REV1: variants seen among roughly 807,000 people sequenced by gnomAD.
The protein encoded by REV1 is translesion synthesis protein REV1.
In REV1, 42 loss-of-function variants were observed where a neutral mutation model predicts 137.4. The observed-to-expected ratio is 0.31, with a 90% CI of 0.24 to 0.40. The LOEUF (loss-of-function observed/expected upper bound fraction) is 0.40. REV1 is among the 10% of genes least tolerant of loss of function. REV1 has a pLI of 1.00. For synonymous variants in REV1, 524 were observed against 519.2 expected (o/e 1.01, Z -0.12); for missense variants, 1,282 against 1,490.1 (o/e 0.86, Z 2.30).
chr2:99,456,141 A>C (rs1421651345), intron 3 of REV1, among the ~76,000 whole-genome samples: 1 of 152,252 alleles, frequency 6.6e-6, no homozygotes, highest in Non-Finnish European at 1.5e-5. Flanking sequence ...AATGTGGCCC[A>C]TTCCTTAAGA....
Position 99,438,639 on chromosome 2 carries a change from A to AT in REV1, c.1174dup (p.Met392AsnfsTer12), listed in dbSNP as rs1450303554. ...AACAAGTGCAGACCTGCCTGTTTTC[A>AT]TTTTTTTTAACTTTTCCCTTCCTGG... On this transcript the variant is annotated frameshift_variant, in exon 6 of 23. Transcript: ENST00000258428. LOFTEE classifies it high-confidence loss of function. 4 of 1,613,054 alleles carry AT rather than the reference A, an allele frequency of 2.5e-6. No individual in the cohort carries two copies. Among genetic ancestry groups the AT allele is most frequent in the African/African-American group, 1.3e-5 (1 of 74,814 alleles).
intron 12 of REV1, among the ~76,000 whole-genome samples, chr2:99,418,345 T>C (rs890354850): frequency 6.6e-6 from 1 of 152,100 alleles, no homozygotes; most frequent in African/African-American, 2.4e-5. Flanking sequence ...ACACAATCCT[T>C]CTTTACGTTT....
chr2:99,481,878 T>C (rs1361975544), intron 1 of REV1, among the ~76,000 whole-genome samples: 1 of 152,100 alleles, frequency 6.6e-6, no homozygotes, highest in African/African-American at 2.4e-5. Context: ...ACAAAAAAAT[T>C]TGACTGGCCA....
intron 13 of REV1, among the ~76,000 whole-genome samples, chr2:99,411,699 G>A (rs191817329): frequency 2.0e-5 from 3 of 150,916 alleles, no homozygotes; most frequent in Admixed American, 6.6e-5. Context: ...GTGAGCCACC[G>A]CATAGGGCCC....
intron 12 of REV1, 137 bp from the exon 13 acceptor site, chr2:99,413,088 A>T: frequency 1.5e-6 from 1 of 665,926 alleles, no homozygotes; most frequent in Non-Finnish European, 2.5e-6. Flanking sequence ...TAACTGAAGC[A>T]TCCACAGGCT....
At chr2:99,481,966 T>C (rs75641682) in intron 1 of REV1, among the ~76,000 whole-genome samples, 2 of 152,346 alleles carry the variant, frequency 1.3e-5, no homozygotes, top group African/African-American at 4.8e-5. Flanking sequence ...GAATCCATAA[T>C]GGGTCCTCCT....
At chr2:99,418,799 AAAAGT>A in intron 12 of REV1, 24 bp downstream of exon 12, 1 of 1,595,218 alleles carries the variant, frequency 6.3e-7, no homozygotes, top group East Asian at 2.2e-5. Context: ...TGCCTGTAAT[AAAAGT>A]ATTGTTAAAA....
chr2:99,439,229 AT>A lies in REV1; in HGVS notation c.584del (p.Asn195IlefsTer42). 6.2e-7 allele frequency: 1 copy of A among 1,614,004 alleles called. No homozygotes were observed. The highest frequency in any genetic ancestry group is 8.5e-7 in the Non-Finnish European group (1 of 1,179,970). ...GMNSWNEEDE[N>X]NDFSFVDLEQ... ...CCAGATCCACAAAACTAAAATCATT[AT>A]TTTCATCTTCTTCATTCCAACTGTT... On this transcript the variant is annotated frameshift_variant, in exon 6 of 23. Transcript: ENST00000258428. LOFTEE classifies it high-confidence loss of function.
chr2:99,463,710 C>T (rs142475850), intron 2 of REV1, among the ~76,000 whole-genome samples: 9 of 152,140 alleles, frequency 5.9e-5, no homozygotes, highest in African/African-American at 1.4e-4. Flanking sequence ...CTGCAAACTC[C>T]GCCTCCCAGG....
chr2:99,445,739 T>C (rs1326405702), intron 4 of REV1, among the ~76,000 whole-genome samples: 1 of 152,186 alleles, frequency 6.6e-6, no homozygotes, highest in East Asian at 1.9e-4. Context: ...TAAAATAATT[T>C]CACACTTTAA....
intron 9 of REV1, among the ~76,000 whole-genome samples, chr2:99,427,980 C>G (rs1321987582): frequency 1.3e-5 from 2 of 151,930 alleles, no homozygotes; most frequent in Non-Finnish European, 2.9e-5. Flanking sequence ...ATCCAAACAC[C>G]CAACAGAAGC....
intron 1 of REV1, among the ~76,000 whole-genome samples, chr2:99,487,175 A>G (rs553903197): frequency 3.9e-5 from 6 of 152,336 alleles, no homozygotes; most frequent in Admixed American, 6.5e-5. Context: ...CAAAATGACT[A>G]TGGGACTGGG....
In REV1 at chr2:99,442,362, G is replaced by A. The variant is rs780950064; in HGVS notation, c.458C>T (p.Pro153Leu). Residue 153 changes from proline to leucine, a missense_variant, in exon 5 of 23, where the codon CCT becomes CTT. Physicochemically the swap from Pro to Leu is moderately conservative, Grantham distance 98. This residue lies in a region of REV1 where 432 missense variants were observed against 438.0 expected (regional missense o/e 0.99). Transcript: ENST00000258428. ...SFNPVCRPEDPLPGPSNIAKQ... is the reference protein window; with the variant it reads ...SFNPVCRPEDLLPGPSNIAKQ... ...GGCTATATTGCTTGGACCTGGCAGAGGATCCTCAGGTCTGCATACAGGATT... is the reference window on the plus strand; with the variant it reads ...GGCTATATTGCTTGGACCTGGCAGAAGATCCTCAGGTCTGCATACAGGATT... 2.5e-6 allele frequency: 4 copies of A among 1,613,298 alleles called. No homozygotes were observed. The highest frequency in any genetic ancestry group is 3.4e-6 in the Non-Finnish European group (4 of 1,179,752).
chr2:99,444,547 C>G (rs1681946498), intron 4 of REV1, among the ~76,000 whole-genome samples: 1 of 152,194 alleles, frequency 6.6e-6, no homozygotes, highest in Admixed American at 6.5e-5. Context: ...ATAAGTCAGT[C>G]CATGGAGACT....
At chr2:99,439,379 T>C (rs553435532) in intron 5 of REV1, 69 bp from the exon 6 acceptor site, 1 of 1,131,608 alleles carries the variant, frequency 8.8e-7, no homozygotes, top group Non-Finnish European at 1.3e-6. Context: ...TTTCATTTCA[T>C]CATTTTCTTA....
At chr2:99,441,989 CAT>C (rs1194346394) in intron 5 of REV1, among the ~76,000 whole-genome samples, 1 of 152,096 alleles carries the variant, frequency 6.6e-6, no homozygotes, top group Non-Finnish European at 1.5e-5. Flanking sequence ...CGTGGTGGCT[CAT>C]GCCTGTAACC....
chr2:99,443,994 A>T (rs2104883540), intron 4 of REV1, among the ~76,000 whole-genome samples: 1 of 151,574 alleles, frequency 6.6e-6, no homozygotes, highest in East Asian at 2.0e-4. Context: ...AATTTTTTGT[A>T]TTTTTTTAGT....
intron 1 of REV1, among the ~76,000 whole-genome samples, chr2:99,475,577 AT>A (rs1486803569): frequency 1.3e-5 from 2 of 152,056 alleles, no homozygotes; most frequent in East Asian, 3.9e-4. Context: ...GTCTTTTGCA[AT>A]TTTTTAAATG....
chr2:99,443,919 C>T (rs1236079222), intron 4 of REV1, among the ~76,000 whole-genome samples: 2 of 151,872 alleles, frequency 1.3e-5, no homozygotes, highest in East Asian at 1.9e-4. Flanking sequence ...CTCGGCTTCA[C>T]GCCATTCTCC....
Sources: gnomAD v4.1 joint callset for allele counts (sites outside exome capture counted in the v4.1 genomes callset) on GRCh38, gnomAD v4.1.1 for gene constraint, gnomAD v4.1.1 regional missense constraint, MANE v1.5 for transcripts, NCBI Gene and HGNC (gene_info 2026-07-23, HGNC 2026-07-21) for gene names.